KCNQ1: variants seen among roughly 807,000 people sequenced by gnomAD.
KCNQ1 encodes the protein potassium voltage-gated channel subfamily Q member 1.
KCNQ1 carries 49 observed loss-of-function variants against 72.4 expected under a neutral mutation model. That is an observed-to-expected ratio of 0.68 (90% CI 0.54 to 0.86). The LOEUF (loss-of-function observed/expected upper bound fraction) is 0.86, where lower values mean the gene tolerates loss of function less well. Ranked by LOEUF, KCNQ1 falls within the 40% of genes least tolerant of loss-of-function variation. The pLI is 0.00. For synonymous variants in KCNQ1, 450 were observed against 412.6 expected (o/e 1.09, Z -1.10); for missense variants, 790 against 945.1 (o/e 0.84, Z 2.15).
rs1846890417 is a variant in KCNQ1 at position 2,785,283 on chromosome 11, A to G, written c.1794+7246A>G. On this transcript the variant is annotated intron_variant, in intron 15 of 15. Coordinates refer to ENST00000155840, the MANE Select transcript of KCNQ1 (RefSeq NM_000218.3). The surrounding 1 kb of genome is among the most constrained non-coding windows in gnomAD (Gnocchi z 4.4). The stretch of plus-strand genomic sequence containing the variant: ...TTATTCCTTATTCTACTGATTTGGT[A>G]TAATACATTAATTTTCAGGTGTTAA... Among the ~76,000 whole-genome samples, 1 of 151,926 alleles carries G rather than the reference A, an allele frequency of 6.6e-6. No homozygotes were observed. The highest frequency in any genetic ancestry group is 2.4e-5 in the African/African-American group (1 of 41,432).
rs1846312501 is a variant in KCNQ1, at chr11:2,463,797, C to G, written c.386+18313C>G. Among the ~76,000 whole-genome samples the G allele has an allele frequency of 6.6e-6, 1 of 152,230 alleles. No individual in the cohort carries two copies. The highest frequency in any genetic ancestry group is 2.4e-5 in the African/African-American group (1 of 41,458). ...ACATTGCCCTGCGAGGGGGTCAGCC[C>G]TGAAGCCGGATGGCCCGGCCCCCGC... On this transcript the variant is annotated intron_variant, in intron 1 of 15. Coordinates refer to ENST00000155840, the MANE Select transcript of KCNQ1 (RefSeq NM_000218.3). This position sits in a 1 kb window ranked among gnomAD's most constrained non-coding sequence, Gnocchi z 7.0.
At chr11:2,533,907 C>T (rs1254856737) in intron 2 of KCNQ1, among the ~76,000 whole-genome samples, 2 of 152,206 alleles carry the variant, frequency 1.3e-5, no homozygotes, top group Non-Finnish European at 2.9e-5. Context: ...AGGGAATTGT[C>T]CTGCAATGCC....
intron 1 of KCNQ1, among the ~76,000 whole-genome samples, chr11:2,513,144 A>C (rs1402585221): frequency 6.6e-6 from 1 of 151,824 alleles, no homozygotes; most frequent in Non-Finnish European, 1.5e-5. Context: ...GGGAATCCTG[A>C]CCCTGTGTGA....
rs1457849242 is a variant in KCNQ1 at position 2,602,896 on chromosome 11, C to G, written c.1393+14042C>G. On this transcript the variant is annotated intron_variant, in intron 10 of 15. Coordinates refer to ENST00000155840, the MANE Select transcript of KCNQ1 (RefSeq NM_000218.3). The surrounding 1 kb of genome is among the most constrained non-coding windows in gnomAD (Gnocchi z 4.8). ...GTCATCATCTCAACAGGGTACTTTA[C>G]AGAGCAAACATTTTAAATTTTGATG... is the stretch of plus-strand genomic sequence containing the variant. Among the ~76,000 whole-genome samples, 1 of 152,186 alleles carries G rather than the reference C, an allele frequency of 6.6e-6. No homozygotes were observed. The highest frequency in any genetic ancestry group is 1.9e-4 in the East Asian group (1 of 5,198).
rs1846415250 is a variant in KCNQ1, at chr11:2,762,374, C to A, written c.1515-6470C>A. ...AGGCCTGTGACTCTCCCTGGGTTAACTTTGTGACCGGTGTGTGGTAAGGAT... is the reference window on the plus strand; with the variant it reads ...AGGCCTGTGACTCTCCCTGGGTTAAATTTGTGACCGGTGTGTGGTAAGGAT... On this transcript the variant is annotated intron_variant, in intron 11 of 15. Coordinates refer to ENST00000155840, the MANE Select transcript of KCNQ1 (RefSeq NM_000218.3). This position sits in a 1 kb window ranked among gnomAD's most constrained non-coding sequence, Gnocchi z 4.3. Among the ~76,000 whole-genome samples the A allele has an allele frequency of 6.6e-6, 1 of 152,220 alleles. No individual in the cohort carries two copies. The highest frequency in any genetic ancestry group is 2.4e-5 in the African/African-American group (1 of 41,456).
chr11:2,549,369 T>TGCCATCCTC lies in KCNQ1; in HGVS notation c.478-21249_478-21241dup, dbSNP rs1003151725. On this transcript the variant is annotated intron_variant, in intron 2 of 15. Transcript: ENST00000155840. The surrounding 1 kb of genome is among the most constrained non-coding windows in gnomAD (Gnocchi z 6.2). ...TGGGGCGACCCTCCTTGGCCGTCCT[T>TGCCATCCTC]GCCATCCTCGCCATCCTCTCTCCAC... 1.9e-3 allele frequency among the ~76,000 whole-genome samples: 285 copies of TGCCATCCTC among 152,138 alleles called. No individual in the cohort carries two copies. Among genetic ancestry groups the TGCCATCCTC allele is most frequent in the African/African-American group, 6.7e-3 (277 of 41,520 alleles).
intron 10 of KCNQ1, among the ~76,000 whole-genome samples, chr11:2,590,386 G>A (rs976646037): frequency 3.9e-5 from 6 of 152,220 alleles, no homozygotes; most frequent in South Asian, 2.1e-4. Flanking sequence ...GCAAATGTTC[G>A]CAGAAGCCCC....
At chr11:2,460,641 G>A (rs1358728240) in intron 1 of KCNQ1, among the ~76,000 whole-genome samples, 2 of 152,326 alleles carry the variant, frequency 1.3e-5, no homozygotes, top group African/African-American at 2.4e-5. Flanking sequence ...AATTTGCATG[G>A]GCCCCTTTGC....
At chr11:2,718,335 C>T (rs1333978762) in intron 11 of KCNQ1, among the ~76,000 whole-genome samples, 1 of 152,246 alleles carries the variant, frequency 6.6e-6, no homozygotes, top group African/African-American at 2.4e-5. Context: ...AGACTGGCTT[C>T]CCTGCATCTG....
chr11:2,550,021 C>A lies in KCNQ1; in HGVS notation c.478-20607C>A, dbSNP rs891362708. Among the ~76,000 whole-genome samples the A allele has an allele frequency of 3.9e-5, 6 of 152,200 alleles. No individual in the cohort carries two copies. The highest frequency in any genetic ancestry group is 1.4e-4 in the African/African-American group (6 of 41,452). ...CCAGGGTGCAGGGGACTGTTTGGGCCTCGAGAGGGACGGACCCCAGAACTG... is the reference window on the plus strand; with the variant it reads ...CCAGGGTGCAGGGGACTGTTTGGGCATCGAGAGGGACGGACCCCAGAACTG... On this transcript the variant is annotated intron_variant, in intron 2 of 15. Transcript: ENST00000155840. The surrounding 1 kb of genome is among the most constrained non-coding windows in gnomAD (Gnocchi z 6.0).
chr11:2,584,288 A>G (rs1260204680), intron 7 of KCNQ1, among the ~76,000 whole-genome samples: 1 of 151,346 alleles, frequency 6.6e-6, no homozygotes, highest in African/African-American at 2.5e-5. Flanking sequence ...ATGTGTGTGC[A>G]CATGACATGT....
At position 2,679,148 on chromosome 11, in the gene KCNQ1, T is replaced by G. The variant is rs1564855679; in HGVS notation, c.1514+17067T>G. The G allele has an allele frequency of 2.5e-6, 1 of 398,660 alleles. No homozygotes were observed. Among genetic ancestry groups the G allele is most frequent in the Non-Finnish European group, 4.4e-6 (1 of 226,084 alleles). The allele number at this position is 398,660 out of a possible 1,614,324, so 24.7% of individuals were successfully genotyped here. A position where few individuals can be genotyped will look rare whatever the true frequency, so the allele number is the denominator to read the frequency against. On this transcript the variant is annotated intron_variant, in intron 11 of 15. Coordinates refer to ENST00000155840, the MANE Select transcript of KCNQ1 (RefSeq NM_000218.3). This position sits in a 1 kb window ranked among gnomAD's most constrained non-coding sequence, Gnocchi z 4.8. ...GCCAAAATGGTTTCATGGCATGAGT[T>G]GGGCAGCAGCGACTCAGTTTCCATG...
In KCNQ1 at chr11:2,808,804, T is replaced by C. The variant is rs1010195724; in HGVS notation, c.1794+30767T>C. ...GTATGTTGCATAGAAAAAGGATGGT[T>C]AGATACATGGGCAGATTAATGGATG... On this transcript the variant is annotated intron_variant, in intron 15 of 15. Transcript: ENST00000155840. This position sits in a 1 kb window ranked among gnomAD's most constrained non-coding sequence, Gnocchi z 6.0. Among the ~76,000 whole-genome samples, 1 of 152,108 alleles carries C rather than the reference T, an allele frequency of 6.6e-6. No homozygotes were observed. The highest frequency in any genetic ancestry group is 2.1e-4 in the South Asian group (1 of 4,828).
rs1846940799 is a variant in KCNQ1 at position 2,497,396 on chromosome 11, A to G, written c.387-30532A>G. ...TCATTTTTTCTCTAATCTTGTCTGC[A>G]TGCCTTATTTCGTTAAGTTGATCTT... On this transcript the variant is annotated intron_variant, in intron 1 of 15. Coordinates refer to ENST00000155840, the MANE Select transcript of KCNQ1 (RefSeq NM_000218.3). The surrounding 1 kb of genome is among the most constrained non-coding windows in gnomAD (Gnocchi z 4.5). Among the ~76,000 whole-genome samples, 1 of 151,974 alleles carries G rather than the reference A, an allele frequency of 6.6e-6. No homozygotes were observed. Among genetic ancestry groups the G allele is most frequent in the African/African-American group, 2.4e-5 (1 of 41,358 alleles).
intron 11 of KCNQ1, among the ~76,000 whole-genome samples, chr11:2,742,762 G>A (rs772023910): frequency 2.6e-5 from 4 of 152,228 alleles, no homozygotes; most frequent in South Asian, 2.1e-4. Context: ...AGCCATGCGC[G>A]GGGGCCCGCT....
In KCNQ1 at chr11:2,779,269, G is replaced by T. The variant is rs796687251; in HGVS notation, c.1794+1232G>T. 1.1e-3 allele frequency among the ~76,000 whole-genome samples: 172 copies of T among 152,340 alleles called. 1 individual carries two copies. Among genetic ancestry groups the T allele is most frequent in the African/African-American group, 4.0e-3 (167 of 41,584 alleles). On this transcript the variant is annotated intron_variant, in intron 15 of 15. Coordinates refer to ENST00000155840, the MANE Select transcript of KCNQ1 (RefSeq NM_000218.3). ...GAGGCCCAGAAGCCTTGGCCTCTCT[G>T]CTGCCCGGGGAACACGGTGTTTCCC...
Position 2,537,165 on chromosome 11 carries a change from A to G in KCNQ1, c.477+9147A>G, listed in dbSNP as rs1011323091. Among the ~76,000 whole-genome samples, 1 of 151,868 alleles carries G rather than the reference A, an allele frequency of 6.6e-6. No individual in the cohort carries two copies. Among genetic ancestry groups the G allele is most frequent in the Admixed American group, 6.5e-5 (1 of 15,276 alleles). On this transcript the variant is annotated intron_variant, in intron 2 of 15. Coordinates refer to ENST00000155840, the MANE Select transcript of KCNQ1 (RefSeq NM_000218.3). This position sits in a 1 kb window ranked among gnomAD's most constrained non-coding sequence, Gnocchi z 5.2. ...AGGGCAACCCAGGGGTCTCCAAACC[A>G]TGGCCCACAGGGTGGCTCCCTGTGT...
rs1850592811 is a variant in KCNQ1, at chr11:2,691,791, A to C, written c.1514+29710A>C. ...AGGCCAGTGGCCATCCACTGCCAGC[A>C]ATCAGAGAATCACAAGCACTGGATC... On this transcript the variant is annotated intron_variant, in intron 11 of 15. Coordinates refer to ENST00000155840, the MANE Select transcript of KCNQ1 (RefSeq NM_000218.3). The surrounding 1 kb of genome is among the most constrained non-coding windows in gnomAD (Gnocchi z 6.4). 1 of 398,566 alleles carries C rather than the reference A, an allele frequency of 2.5e-6. No homozygotes were observed. The highest frequency in any genetic ancestry group is 1.3e-4 in the South Asian group (1 of 7,870). 24.7% of individuals were successfully genotyped at this position (398,566 alleles called of 1,614,324 possible). A position where few individuals can be genotyped will look rare whatever the true frequency, so the allele number is the denominator to read the frequency against.
At position 2,475,348 on chromosome 11, in the gene KCNQ1, G is replaced by A. The variant is rs769427564; in HGVS notation, c.386+29864G>A. ...CTTTCTGAGCTGAGTAGTGGTCTGTGGTGTGGATGGACTACGTGCAGCTGT... is the reference window on the plus strand; with the variant it reads ...CTTTCTGAGCTGAGTAGTGGTCTGTAGTGTGGATGGACTACGTGCAGCTGT... On this transcript the variant is annotated intron_variant, in intron 1 of 15. Coordinates refer to ENST00000155840, the MANE Select transcript of KCNQ1 (RefSeq NM_000218.3). The surrounding 1 kb of genome is among the most constrained non-coding windows in gnomAD (Gnocchi z 5.8). Among the ~76,000 whole-genome samples, 3 of 152,182 alleles carry A rather than the reference G, an allele frequency of 2.0e-5. No individual in the cohort carries two copies. Among genetic ancestry groups the A allele is most frequent in the Non-Finnish European group, 2.9e-5 (2 of 68,024 alleles).
Sources: gnomAD v4.1 joint callset for allele counts (sites outside exome capture counted in the v4.1 genomes callset) on GRCh38, gnomAD v4.1.1 for gene constraint, Gnocchi (gnomAD v3.1) non-coding constraint, MANE v1.5 for transcripts, NCBI Gene and HGNC (gene_info 2026-07-23, HGNC 2026-07-21) for gene names.